The following KMT2C variants were observed in gnomAD, a reference collection of about 807,000 sequenced individuals.
The protein encoded by KMT2C is histone-lysine N-methyltransferase 2C.
KMT2C carries 88 observed loss-of-function variants against 507.9 expected under a neutral mutation model. The observed-to-expected ratio is 0.17, with a 90% CI of 0.15 to 0.21. The LOEUF (loss-of-function observed/expected upper bound fraction) is 0.21. Ranked by LOEUF, KMT2C falls within the 10% of genes least tolerant of loss-of-function variation. The pLI, the probability that KMT2C is intolerant of heterozygous loss-of-function variation, is 1.00. For missense variants in KMT2C, 4,954 were observed against 5,957.8 expected (o/e 0.83, Z 5.55); for synonymous variants, 2,049 against 2,080.8 (o/e 0.98, Z 0.42).
chr7:152,136,902 T>G lies in KMT2C; in HGVS notation c.14666A>C (p.Asp4889Ala), dbSNP rs2089918744. 6.2e-7 allele frequency: 1 copy of G among 1,613,010 alleles called. No individual in the cohort carries two copies. The highest frequency in any genetic ancestry group is 8.5e-7 in the Non-Finnish European group (1 of 1,179,958). The part of the protein sequence containing the change: ...GEELCYDYKF[D>A]FEDDQHKIPC... ...AATCTTGTGCTGGTCATCTTCAAAG[T>G]CAAACTTATAGTCATAGCAGAGCTG... The change falls in exon 59 of 59, where the codon GAC becomes GCC. Residue 4889 changes from aspartate to alanine, a missense_variant. Transcript: ENST00000262189.
At chr7:152,346,624 G>GCC (rs2097059670) in intron 2 of KMT2C, among the ~76,000 whole-genome samples, 1 of 152,164 alleles carries the variant, frequency 6.6e-6, no homozygotes, top group Admixed American at 6.5e-5. Flanking sequence ...GTTGACCCTT[G>GCC]AACAATGAGA....
At chr7:152,364,853 G>A (rs1473103670) in intron 1 of KMT2C, among the ~76,000 whole-genome samples, 1 of 151,740 alleles carries the variant, frequency 6.6e-6, no homozygotes, top group African/African-American at 2.4e-5. Context: ...AAATTGTTTA[G>A]TGAAATAATT....
intron 2 of KMT2C, among the ~76,000 whole-genome samples, chr7:152,335,268 T>C (rs993724401): frequency 5.9e-5 from 9 of 152,214 alleles, no homozygotes; most frequent in Non-Finnish European, 1.2e-4. Flanking sequence ...TACTATAAAA[T>C]TATCACATAT....
At chr7:152,393,951 A>T (rs1342983027) in intron 1 of KMT2C, among the ~76,000 whole-genome samples, 7 of 152,136 alleles carry the variant, frequency 4.6e-5, no homozygotes, top group Non-Finnish European at 1.0e-4. Context: ...AAGGTTTTTA[A>T]TTCCAAATAA....
chr7:152,252,629 C>A lies in KMT2C; in HGVS notation c.1386G>T (p.Gln462His). ...CACAGAAGGGACATAAGTTATCCTG[C>A]TGTTGGTAACAATTGTCACATATCA... is the stretch of plus-strand genomic sequence containing the variant. ...NCLICDNCYQ[Q>H]QDNLCPFCGK... Residue 462 changes from glutamine (Q) to histidine (H), a missense_variant, in exon 10 of 59, where the codon CAG (glutamine) becomes CAT (histidine). This residue lies in a region of KMT2C where 376 missense variants were observed against 352.4 expected (regional missense o/e 1.07). Coordinates refer to ENST00000262189, the MANE Select transcript of KMT2C (RefSeq NM_170606.3). 6.2e-7 allele frequency: 1 copy of A among 1,613,358 alleles called. No homozygotes were observed. Among genetic ancestry groups the A allele is most frequent in the Non-Finnish European group, 8.5e-7 (1 of 1,179,400 alleles).
chr7:152,323,839 A>G (rs1252835725), intron 3 of KMT2C, among the ~76,000 whole-genome samples: 29 of 146,908 alleles, frequency 2.0e-4, no homozygotes, highest in African/African-American at 6.3e-4. Context: ...AAGAGTGGGG[A>G]GAGAGAGAGA....
chr7:152,415,704 A>C (rs2108908), intron 1 of KMT2C, among the ~76,000 whole-genome samples: 42,882 of 150,366 alleles, frequency 0.29, 7,830 homozygotes, highest in African/African-American at 0.52. Flanking sequence ...CATAGTGAAA[A>C]CCCATTTCTA....
chr7:152,161,923 AATT>A (rs1275916286), intron 43 of KMT2C, among the ~76,000 whole-genome samples, 191 bp downstream of exon 43: 7 of 152,220 alleles, frequency 4.6e-5, no homozygotes, highest in African/African-American at 1.4e-4. Context: ...ATAGTAAACA[AATT>A]ATTATTTAAT....
At chr7:152,399,068 A>G (rs528013899) in intron 1 of KMT2C, among the ~76,000 whole-genome samples, 5 of 152,040 alleles carry the variant, frequency 3.3e-5, no homozygotes, top group Middle Eastern at 3.4e-3. Context: ...AGCTCAAGCG[A>G]TCCACCCACC....
chr7:152,216,906 T>C (rs536779596), intron 23 of KMT2C, among the ~76,000 whole-genome samples: 1 of 152,246 alleles, frequency 6.6e-6, no homozygotes. Flanking sequence ...GAGCACTCCA[T>C]GTGTGGGAAG....
At chr7:152,368,266 T>C (rs1187427313) in intron 1 of KMT2C, 1 of 960,032 alleles carries the variant, frequency 1.0e-6, no homozygotes, top group African/African-American at 1.6e-5. Context: ...TAATGTCCAC[T>C]ATGAGAACTA....
intron 3 of KMT2C, among the ~76,000 whole-genome samples, chr7:152,315,644 G>C (rs757473920): frequency 1.7e-4 from 26 of 152,222 alleles, no homozygotes; most frequent in East Asian, 7.7e-4. Context: ...ATCCAAGTAA[G>C]AAAGCTAAAG....
intron 26 of KMT2C, among the ~76,000 whole-genome samples, chr7:152,201,936 A>C (rs937700642): frequency 2.0e-5 from 3 of 152,224 alleles, no homozygotes; most frequent in Non-Finnish European, 2.9e-5. Context: ...TCCTGACTTT[A>C]TAGGCTGAGC....
chr7:152,276,442 G>A (rs929067002), intron 6 of KMT2C, among the ~76,000 whole-genome samples: 4 of 152,102 alleles, frequency 2.6e-5, no homozygotes, highest in African/African-American at 7.2e-5. Context: ...ATTAACATTT[G>A]GGGAGGAGGG....
At position 152,187,893 on chromosome 7, in the gene KMT2C, C is replaced by T. The variant is rs533416337; in HGVS notation, c.4661-46G>A. On this transcript the variant is annotated intron_variant, in intron 31 of 58. Transcript: ENST00000262189. ...CCGTTGGCATGATATTCACAAGTAA[C>T]AAGGAGTTGAAGTAAAGCTGGCCCT... is the stretch of plus-strand genomic sequence containing the variant. 1.4e-4 allele frequency: 222 copies of T among 1,601,788 alleles called. 6 individuals are homozygous for T. In the South Asian group the frequency reaches 2.4e-3, roughly 17 times the overall value.
At position 152,135,792 on chromosome 7, in the gene KMT2C, C is replaced by G. The variant is rs2089827659; in HGVS notation, c.*1040G>C. The G allele has an allele frequency of 4.3e-6, 1 of 229,992 alleles. No homozygotes were observed. The highest frequency in any genetic ancestry group is 6.2e-5 in the East Asian group (1 of 16,022). The allele number at this position is 229,992 out of a possible 1,614,324, so 14.2% of individuals were successfully genotyped here. On this transcript the variant is annotated 3_prime_UTR_variant, in exon 59 of 59. Transcript: ENST00000262189. ...AAAAAATTAGTTTAAATTACCAAAA[C>G]AGCTATAAAAGTTGTAGTCGTAGCA...
chr7:152,157,998 G>A (rs1030333491), intron 44 of KMT2C: 31 of 1,087,572 alleles, frequency 2.9e-5, no homozygotes, highest in African/African-American at 1.5e-4. Context: ...TCTAAGACCC[G>A]AAGCAACTTT....
chr7:152,367,108 G>A (rs1206212575), intron 1 of KMT2C: 4 of 891,574 alleles, frequency 4.5e-6, no homozygotes, highest in South Asian at 2.9e-5. Context: ...GAAGGAACAG[G>A]AAGAGAAGAG....
intron 2 of KMT2C, among the ~76,000 whole-genome samples, chr7:152,332,041 AATC>A (rs1429863678): frequency 6.6e-6 from 1 of 152,146 alleles, no homozygotes; most frequent in African/African-American, 2.4e-5. Context: ...CACTTTATAA[AATC>A]ATCATTAAAA....
Sources: gnomAD v4.1 joint callset for allele counts (sites outside exome capture counted in the v4.1 genomes callset) on GRCh38, gnomAD v4.1.1 for gene constraint, gnomAD v4.1.1 regional missense constraint, MANE v1.5 for transcripts, NCBI Gene and HGNC (gene_info 2026-07-23, HGNC 2026-07-21) for gene names.